Variants in DPH6 observed in about 807,000 individuals in gnomAD.
DPH6 encodes diphthine--ammonia ligase.
In DPH6, 33 loss-of-function variants were observed where a neutral mutation model predicts 38.2. The ratio of observed to expected loss-of-function variants is 0.86; its 90% CI spans 0.65 to 1.15. DPH6 has a LOEUF of 1.15. DPH6 is among the 50% of genes most tolerant of loss of function. DPH6 has a pLI of 0.00. For missense variants in DPH6, 325 were observed against 320.0 expected (o/e 1.02, Z -0.12); for synonymous variants, 108 against 103.0 (o/e 1.05, Z -0.30).
intron 3 of DPH6, among the ~76,000 whole-genome samples, chr15:35,491,548 T>TATACAC (rs376634978): frequency 7.3e-6 from 1 of 137,696 alleles, no homozygotes; most frequent in Admixed American, 7.4e-5. Flanking sequence ...CCAATAGGTG[T>TATACAC]ACACACACAC....
intron 3 of DPH6, among the ~76,000 whole-genome samples, chr15:35,286,654 G>A (rs1365357384): frequency 6.6e-6 from 1 of 152,168 alleles, no homozygotes; most frequent in Non-Finnish European, 1.5e-5. Flanking sequence ...GATCTATCCA[G>A]TACATTATCT....
At chr15:35,418,818 C>G (rs2053467752) in intron 5 of DPH6, among the ~76,000 whole-genome samples, 1 of 151,992 alleles carries the variant, frequency 6.6e-6, no homozygotes, top group Admixed American at 6.6e-5. Context: ...CTCTTCAGTA[C>G]AGCCCAATAC....
intron 5 of DPH6, among the ~76,000 whole-genome samples, chr15:35,439,699 T>A (rs1490969848): frequency 1.3e-5 from 2 of 152,108 alleles, no homozygotes; most frequent in African/African-American, 4.8e-5. Context: ...GGAGCCCATG[T>A]TCTTGGGACC....
chr15:35,331,644 T>C (rs1305575597), intron 3 of DPH6, among the ~76,000 whole-genome samples: 1 of 152,164 alleles, frequency 6.6e-6, no homozygotes, highest in Non-Finnish European at 1.5e-5. Context: ...GTGAGGAGAA[T>C]GAGACAGGGA....
At position 35,507,620 on chromosome 15, in the gene DPH6, T is replaced by C. The variant is rs77631670; in HGVS notation, c.312+30654A>G. The stretch of plus-strand genomic sequence containing the variant: ...AAAGAACTAAATTAAAACATTTATC[T>C]GTTAATACAGTACAATTCTGAACTG... On this transcript the variant is annotated intron_variant, in intron 3 of 8. Coordinates refer to ENST00000256538, the MANE Select transcript of DPH6 (RefSeq NM_080650.4). Among the ~76,000 whole-genome samples, 955 of 152,248 alleles carry C rather than the reference T, an allele frequency of 6.3e-3. 17 individuals are homozygous for C. Among genetic ancestry groups the C allele is most frequent in the African/African-American group, 0.022 (911 of 41,558 alleles).
chr15:35,181,612 A>G, the DPH6 span, among the ~76,000 whole-genome samples: 1 of 152,124 alleles, frequency 6.6e-6, no homozygotes, highest in Non-Finnish European at 1.5e-5. Flanking sequence ...ACTGTCTTAC[A>G]TGATCAGAAA....
the DPH6 span, among the ~76,000 whole-genome samples, chr15:35,180,810 T>A: frequency 3.3e-5 from 5 of 152,096 alleles, no homozygotes; most frequent in East Asian, 3.9e-4. Context: ...TTGAAAAAAA[T>A]GTGATATCTT....
chr15:35,505,938 T>A (rs1388642612), intron 3 of DPH6, among the ~76,000 whole-genome samples: 1 of 152,132 alleles, frequency 6.6e-6, no homozygotes, highest in Non-Finnish European at 1.5e-5. Context: ...TTTACACTTG[T>A]CAGTATTTTA....
downstream of DPH6, among the ~76,000 whole-genome samples, chr15:35,325,832 G>A (rs1343171847): frequency 1.3e-5 from 2 of 151,982 alleles, no homozygotes; most frequent in African/African-American, 4.8e-5. Context: ...AAAAATATTT[G>A]ACAAAGTTCT....
intron 3 of DPH6, chr15:35,299,269 C>T: frequency 1.8e-6 from 2 of 1,081,186 alleles, no homozygotes; most frequent in South Asian, 1.2e-5. Flanking sequence ...TGAGGAGCCA[C>T]CTCGTTGTAG....
At chr15:35,378,830 G>C (rs982176524) in intron 7 of DPH6, among the ~76,000 whole-genome samples, 7 of 152,098 alleles carry the variant, frequency 4.6e-5, no homozygotes, top group East Asian at 3.9e-4. Context: ...TGTCAGGGGT[G>C]GGGGGCTGGG....
intron 3 of DPH6, chr15:35,521,054 T>C (rs1192734616): frequency 4.1e-6 from 4 of 985,128 alleles, no homozygotes; most frequent in Non-Finnish European, 3.6e-6. Flanking sequence ...GTAGATTTCA[T>C]TTTATTACAA....
At chr15:35,482,804 G>A (rs898946661) in intron 3 of DPH6, among the ~76,000 whole-genome samples, 16 of 151,824 alleles carry the variant, frequency 1.1e-4, no homozygotes, top group African/African-American at 2.2e-4. Flanking sequence ...CCAAAAGCAC[G>A]AACCATAAAA....
rs1465370069 is a variant in DPH6, at chr15:35,242,876, C to T, written n.201-22294G>A. Among the ~76,000 whole-genome samples the T allele has an allele frequency of 4.2e-5, 6 of 142,418 alleles. 1 individual carries two copies. The highest frequency in any genetic ancestry group is 1.0e-4 in the African/African-American group (4 of 39,454). 93.4% of individuals were successfully genotyped at this position (142,418 alleles called of 152,430 possible). On this transcript the variant is annotated intron_variant and non_coding_transcript_variant, in intron 3 of 3. Coordinates refer to the DPH6 transcript ENST00000560386. Reference sequence around the variant, plus strand: ...TCTGTCTAGTCATACTCCTATTCACCGTTCTCAACTACTCATACATGCCCT... The same window carrying T: ...TCTGTCTAGTCATACTCCTATTCACTGTTCTCAACTACTCATACATGCCCT...
chr15:35,396,904 G>A (rs1294601736), intron 6 of DPH6, among the ~76,000 whole-genome samples: 1 of 151,990 alleles, frequency 6.6e-6, no homozygotes, highest in African/African-American at 2.4e-5. Flanking sequence ...ATCAATTTTC[G>A]TGAACTTTTC....
intron 1 of DPH6, among the ~76,000 whole-genome samples, chr15:35,545,594 T>G (rs938287632): frequency 2.6e-5 from 4 of 152,126 alleles, no homozygotes; most frequent in Non-Finnish European, 5.9e-5. Context: ...GGTGGACTTC[T>G]TGGGATGGGC....
At chr15:35,425,179 C>T (rs1365796778) in intron 5 of DPH6, among the ~76,000 whole-genome samples, 2 of 151,608 alleles carry the variant, frequency 1.3e-5, no homozygotes, top group African/African-American at 2.4e-5. Flanking sequence ...AAATGTTGGG[C>T]TCTCAGCTAA....
chr15:35,299,813 C>T (rs1011740329), intron 3 of DPH6, among the ~76,000 whole-genome samples: 1 of 152,148 alleles, frequency 6.6e-6, no homozygotes, highest in Non-Finnish European at 1.5e-5. Flanking sequence ...TGAAAGTATT[C>T]TTTTTTGTGC....
At chr15:35,480,815 C>T (rs1292539132) in intron 3 of DPH6, among the ~76,000 whole-genome samples, 1 of 151,664 alleles carries the variant, frequency 6.6e-6, no homozygotes, top group Non-Finnish European at 1.5e-5. Flanking sequence ...CACTGAGTAA[C>T]CAGATAATAG....
Sources: allele counts gnomAD v4.1 joint callset (sites outside exome capture counted in the v4.1 genomes callset), GRCh38; gene constraint gnomAD v4.1.1; transcripts MANE v1.5; gene names NCBI Gene and HGNC (gene_info 2026-07-23, HGNC 2026-07-21).